Variants in UTRN observed in about 807,000 individuals in gnomAD.
The protein encoded by UTRN is dystrophin-related protein 1.
UTRN carries 283 observed loss-of-function variants against 463.9 expected under a neutral mutation model. The observed-to-expected ratio is 0.61, with a 90% CI of 0.55 to 0.67. The LOEUF is 0.67. Ranked by LOEUF, UTRN falls within the 30% of genes least tolerant of loss-of-function variation. UTRN has a pLI of 0.00. For synonymous variants in UTRN, 1,442 were observed against 1,431.5 expected (o/e 1.01, Z -0.17); for missense variants, 3,922 against 4,084.3 (o/e 0.96, Z 1.08).
Position 144,474,640 on chromosome 6 carries a change from C to T in UTRN, c.3217C>T (p.Leu1073=), listed in dbSNP as rs368642782. ...TGAAATAGAAACAATTGAATCATCT[C>T]TGAAAAACATGAAGGAAATAGAGAC... ...VNEIETIESS[L]KNMKEIETNL... Residue 1073 remains leucine (L), a synonymous_variant, in exon 25 of 75, where the codon CTG becomes TTG. Transcript: ENST00000367545. 1 of 1,613,390 alleles carries T rather than the reference C, an allele frequency of 6.2e-7. No homozygotes were observed. The highest frequency in any genetic ancestry group is 2.2e-5 in the East Asian group (1 of 44,848).
chr6:144,645,261 T>C (rs1481294032), intron 51 of UTRN, among the ~76,000 whole-genome samples: 3 of 152,204 alleles, frequency 2.0e-5, no homozygotes, highest in African/African-American at 7.2e-5. Flanking sequence ...AAGGACACTC[T>C]AAGGAATTAT....
chr6:144,563,495 T>C (rs1422191142), intron 50 of UTRN, among the ~76,000 whole-genome samples: 1 of 152,190 alleles, frequency 6.6e-6, no homozygotes, highest in African/African-American at 2.4e-5. Flanking sequence ...TAAAAATGAA[T>C]GCTGTAGCAG....
At chr6:144,546,812 G>T (rs1562554961) in intron 46 of UTRN, among the ~76,000 whole-genome samples, 1 of 147,856 alleles carries the variant, frequency 6.8e-6, no homozygotes, top group Non-Finnish European at 1.5e-5. Context: ...CTATCTCAAA[G>T]AAAAAACAAA....
At position 144,803,132 on chromosome 6, in the gene UTRN, G is replaced by A. The variant is rs150893596; in HGVS notation, c.9342G>A (p.Val3114=). ...GTCACAAATTACATTACCCAATGGT[G>A]GAATATTGTATACCTGTGAGTACTA... ...AKGHKLHYPM[V]EYCIPTTSGE... The change falls in exon 65 of 75, where the codon GTG becomes GTA. Residue 3114 remains valine (V), a synonymous_variant. Transcript: ENST00000367545. 2,475 of 1,584,586 alleles carry A rather than the reference G, an allele frequency of 1.6e-3. 3 individuals are homozygous for A. Among genetic ancestry groups the A allele is most frequent in the Non-Finnish European group, 1.9e-3 (2,208 of 1,166,048 alleles).
intron 51 of UTRN, among the ~76,000 whole-genome samples, chr6:144,591,460 T>C (rs1803065705): frequency 6.6e-6 from 1 of 152,174 alleles, no homozygotes; most frequent in Admixed American, 6.5e-5. Flanking sequence ...TAGATTAGGC[T>C]CTGAGATGGC....
intron 2 of UTRN, among the ~76,000 whole-genome samples, chr6:144,391,328 C>T (rs760969865): frequency 6.6e-6 from 1 of 152,148 alleles, no homozygotes; most frequent in African/African-American, 2.4e-5. Flanking sequence ...CTGGAGGCCA[C>T]CCAAAGGGCT....
At chr6:144,690,581 T>C (rs890388848) in intron 52 of UTRN, among the ~76,000 whole-genome samples, 5 of 152,170 alleles carry the variant, frequency 3.3e-5, no homozygotes, top group African/African-American at 1.2e-4. Context: ...TGAATTTCAG[T>C]TGGGAGCATC....
chr6:144,406,685 A>T (rs1783447732), intron 3 of UTRN, among the ~76,000 whole-genome samples: 1 of 152,110 alleles, frequency 6.6e-6, no homozygotes, highest in African/African-American at 2.4e-5. Flanking sequence ...CATTTTCAAG[A>T]GAGTATCTAC....
intron 52 of UTRN, among the ~76,000 whole-genome samples, chr6:144,699,473 G>GTTTTTTTTTT (rs71024902): frequency 0.013 from 875 of 67,656 alleles, 52 homozygotes; most frequent in Middle Eastern, 0.038. Context: ...TTAGTCAGTG[G>GTTTTTTTTTT]TTTTTTTTTT....
Position 144,692,274 on chromosome 6 carries a change from T to A in UTRN, c.7653-7813T>A, listed in dbSNP as rs368783727. Among the ~76,000 whole-genome samples, 82 of 152,368 alleles carry A rather than the reference T, an allele frequency of 5.4e-4. 2 individuals are homozygous for A. The highest frequency in any genetic ancestry group is 1.5e-3 in the African/African-American group (62 of 41,582). On this transcript the variant is annotated intron_variant, in intron 52 of 74. Transcript: ENST00000367545. ...TCCATGGTGTATATGTACCACAGTT[T>A]TTCAATCCAGTCTTATCATTGATGG...
At chr6:144,787,561 T>C (rs1039055468) in intron 61 of UTRN, among the ~76,000 whole-genome samples, 6 of 152,188 alleles carry the variant, frequency 3.9e-5, no homozygotes, top group African/African-American at 1.2e-4. Context: ...AAGCACGATT[T>C]CCTTTCTTAT....
chr6:144,648,084 T>C (rs1778457072), intron 51 of UTRN, among the ~76,000 whole-genome samples: 1 of 152,174 alleles, frequency 6.6e-6, no homozygotes, highest in Non-Finnish European at 1.5e-5. Context: ...TAGCTGAGAG[T>C]AGAGCATGTA....
At chr6:144,302,446 G>T (rs1202999750) in intron 2 of UTRN, among the ~76,000 whole-genome samples, 1 of 148,172 alleles carries the variant, frequency 6.7e-6, no homozygotes, top group African/African-American at 2.6e-5. Context: ...GGAGGCAGAG[G>T]TTGTAGTGAG....
rs377109970 is a variant in UTRN at position 144,769,833 on chromosome 6, A to G, written c.8496-2074A>G. On this transcript the variant is annotated intron_variant, in intron 58 of 74. Transcript: ENST00000367545. Reference sequence around the variant, plus strand: ...CCCTAGTAGGTTCTCTCAGACTGGGAGCCCATGATGCCTTACTGGAATTGC... The same window carrying G: ...CCCTAGTAGGTTCTCTCAGACTGGGGGCCCATGATGCCTTACTGGAATTGC... 7.1e-4 allele frequency among the ~76,000 whole-genome samples: 108 copies of G among 152,236 alleles called. 1 individual carries two copies. In the South Asian group the frequency reaches 0.022, roughly 30 times the overall value.
chr6:144,711,239 C>T (rs935299025), intron 53 of UTRN, among the ~76,000 whole-genome samples: 2 of 151,856 alleles, frequency 1.3e-5, no homozygotes, highest in African/African-American at 4.8e-5. Flanking sequence ...TCGCTTGAAC[C>T]CAGGGGGCGG....
intron 51 of UTRN, among the ~76,000 whole-genome samples, chr6:144,623,507 C>A (rs929515274): frequency 2.0e-5 from 3 of 152,114 alleles, no homozygotes; most frequent in Non-Finnish European, 4.4e-5. Context: ...AATAGATCCC[C>A]TTTGGAACAC....
intron 3 of UTRN, among the ~76,000 whole-genome samples, chr6:144,407,180 T>C (rs1290112315): frequency 6.6e-6 from 1 of 152,182 alleles, no homozygotes; most frequent in African/African-American, 2.4e-5. Flanking sequence ...ACATAAACTC[T>C]GTGGGTGCAG....
intron 58 of UTRN, among the ~76,000 whole-genome samples, chr6:144,766,550 G>C (rs913611802): frequency 1.3e-5 from 2 of 151,934 alleles, no homozygotes; most frequent in East Asian, 3.9e-4. Flanking sequence ...AGTGTTTGTC[G>C]TCTCTTATTT....
Position 144,453,876 on chromosome 6 carries a change from T to C in UTRN, c.2284+7T>C, listed in dbSNP as rs371411369. The C allele has an allele frequency of 1.7e-5, 28 of 1,610,014 alleles. No homozygotes were observed. The Admixed American group carries it at 4.7e-4, about 27-fold the overall frequency. Reference sequence around the variant, plus strand: ...GTGGAGCAAATGGGAAAAGGTAAGATCCTTGATTTTTTTCCCCTATATTTT... The same window carrying C: ...GTGGAGCAAATGGGAAAAGGTAAGACCCTTGATTTTTTTCCCCTATATTTT... On this transcript the variant is annotated splice_region_variant and intron_variant, in intron 19 of 74. Transcript: ENST00000367545.
Sources: allele counts gnomAD v4.1 joint callset (sites outside exome capture counted in the v4.1 genomes callset), GRCh38; gene constraint gnomAD v4.1.1; transcripts MANE v1.5; gene names NCBI Gene and HGNC (gene_info 2026-07-23, HGNC 2026-07-21).